Variants in GPC6 observed in about 807,000 individuals in gnomAD.
The protein encoded by GPC6 is glypican-6.
Under a neutral mutation model 55.2 loss-of-function variants are expected in GPC6, and 14 were observed. The ratio of observed to expected loss-of-function variants is 0.25; its 90% confidence interval spans 0.17 to 0.40. The LOEUF (loss-of-function observed/expected upper bound fraction) is 0.40, where lower values mean the gene tolerates loss of function less well. Ranked by LOEUF, GPC6 falls within the 10% of genes least tolerant of loss-of-function variation. The pLI is 1.00. For missense variants in GPC6, 641 were observed against 708.5 expected, an observed-to-expected ratio of 0.90 and a Z score of 1.08; for synonymous variants, 278 against 259.6, an observed-to-expected ratio of 1.07 and a Z score of -0.68.
chr13:94,384,091 T>G (rs902889975), intron 7 of GPC6, among the ~76,000 whole-genome samples: 1 of 152,164 alleles, frequency 6.6e-6, no homozygotes, highest in African/African-American at 2.4e-5. Context: ...CAATTGCTAA[T>G]GACATTATTA....
chr13:93,217,556 A>C, the GPC6 span, among the ~76,000 whole-genome samples: 1 of 152,152 alleles, frequency 6.6e-6, no homozygotes, highest in African/African-American at 2.4e-5. Flanking sequence ...AGAGACTGTA[A>C]CATGATCCTT....
chr13:93,909,365 G>A lies in GPC6; in HGVS notation c.711+78820G>A, dbSNP rs140086085. 5.0e-3 allele frequency among the ~76,000 whole-genome samples: 762 copies of A among 152,118 alleles called. 4 individuals are homozygous for A. The highest frequency in any genetic ancestry group is 8.3e-3 in the Non-Finnish European group (563 of 67,984). ...TTTTCGTGAAATATTACATAAACTC[G>A]TTAAGTGAAGAAAATAAGAAAAACA... On this transcript the variant is annotated intron_variant, in intron 3 of 8. Coordinates refer to ENST00000377047, the MANE Select transcript of GPC6 (RefSeq NM_005708.5).
At chr13:93,869,660 C>A (rs1050651074) in intron 3 of GPC6, among the ~76,000 whole-genome samples, 3 of 151,838 alleles carry the variant, frequency 2.0e-5, no homozygotes, top group African/African-American at 7.2e-5. Context: ...TTAATACATT[C>A]ATGGATGTCC....
intron 2 of GPC6, among the ~76,000 whole-genome samples, chr13:93,738,278 G>A (rs1266369380): frequency 6.6e-6 from 1 of 151,944 alleles, no homozygotes; most frequent in African/African-American, 2.4e-5. Context: ...TCATTAATGA[G>A]CTGAATATTC....
intron 1 of GPC6, among the ~76,000 whole-genome samples, chr13:93,375,968 T>C (rs778700909): frequency 1.3e-5 from 2 of 152,288 alleles, no homozygotes; most frequent in Middle Eastern, 3.4e-3. Flanking sequence ...TTTAAAGATT[T>C]GTTTGCATAA....
At position 93,823,783 on chromosome 13, in the gene GPC6, G is replaced by T. The variant is rs976438046; in HGVS notation, c.320-6371G>T. Among the ~76,000 whole-genome samples, 5 of 152,158 alleles carry T rather than the reference G, an allele frequency of 3.3e-5. No individual in the cohort carries two copies. In the East Asian group the frequency reaches 9.6e-4, roughly 29 times the overall value. The stretch of plus-strand genomic sequence containing the variant: ...TTCTAATAACCTCTCAAACAGGAAA[G>T]ATGTGGATTCCTACTATGAGATCAC... On this transcript the variant is annotated intron_variant, in intron 2 of 8. Transcript: ENST00000377047.
At chr13:93,607,517 T>C (rs1878284700) in intron 2 of GPC6, among the ~76,000 whole-genome samples, 2 of 152,156 alleles carry the variant, frequency 1.3e-5, no homozygotes, top group Admixed American at 6.5e-5. Context: ...TGAATTTTCC[T>C]TCCTTGTATT....
At chr13:93,370,109 G>C (rs1881397495) in intron 1 of GPC6, among the ~76,000 whole-genome samples, 1 of 152,042 alleles carries the variant, frequency 6.6e-6, no homozygotes, top group Non-Finnish European at 1.5e-5. Flanking sequence ...AGGAGACCGA[G>C]TACAATGCTG....
intron 1 of GPC6, among the ~76,000 whole-genome samples, chr13:93,358,984 T>G (rs1566315734): frequency 3.2e-5 from 4 of 124,984 alleles, no homozygotes; most frequent in Non-Finnish European, 6.5e-5. Flanking sequence ...TCTTTTTTTT[T>G]TTTTGTTTTT....
chr13:93,815,247 G>A (rs1886812809), intron 2 of GPC6, among the ~76,000 whole-genome samples: 1 of 152,118 alleles, frequency 6.6e-6, no homozygotes, highest in Admixed American at 6.5e-5. Flanking sequence ...CCACTAAAGT[G>A]TGAAATAATA....
At chr13:93,676,115 AAAAAAAAAAAAATATATATATAT>A (rs1446000542) in intron 2 of GPC6, among the ~76,000 whole-genome samples, 9 of 102,868 alleles carry the variant, frequency 8.7e-5, no homozygotes, top group African/African-American at 4.9e-4. Context: ...CTAAAAAAAA[AAAAAAAAAAAAATATATATATAT>A]ATATATATAT....
At chr13:94,133,627 T>G (rs975172900) in intron 4 of GPC6, among the ~76,000 whole-genome samples, 1 of 152,120 alleles carries the variant, frequency 6.6e-6, no homozygotes, top group Admixed American at 6.6e-5. Context: ...TTTTTCACAT[T>G]GTGGGTATGT....
In GPC6 at chr13:94,002,891, T is replaced by C. The variant is rs542753885; in HGVS notation, c.712-24838T>C. On this transcript the variant is annotated intron_variant, in intron 3 of 8. Transcript: ENST00000377047. ...GGAAAGGGCCAATTACAAAGTGCTT[T>C]AATTTCTCCACAATGGCTTTTGCAA... 1.1e-4 allele frequency among the ~76,000 whole-genome samples: 17 copies of C among 152,314 alleles called. No individual in the cohort carries two copies. In the South Asian group the frequency reaches 1.9e-3, roughly 17 times the overall value.
chr13:93,507,215 C>A (rs1351419527), intron 1 of GPC6, among the ~76,000 whole-genome samples: 3 of 152,076 alleles, frequency 2.0e-5, no homozygotes, highest in Non-Finnish European at 1.5e-5. Flanking sequence ...GCAGCTCTGC[C>A]GTTATCTACC....
At chr13:93,856,047 T>C (rs1020020946) in intron 3 of GPC6, among the ~76,000 whole-genome samples, 1 of 151,656 alleles carries the variant, frequency 6.6e-6, no homozygotes, top group Non-Finnish European at 1.5e-5. Context: ...AAGTCCAGTG[T>C]ATTGATTCTT....
At chr13:93,699,693 G>A (rs1298360526) in intron 2 of GPC6, among the ~76,000 whole-genome samples, 1 of 152,030 alleles carries the variant, frequency 6.6e-6, no homozygotes, top group Non-Finnish European at 1.5e-5. Context: ...TATAGGAATT[G>A]TGGTAAATAA....
At chr13:93,573,696 T>C (rs1876520388) in intron 2 of GPC6, among the ~76,000 whole-genome samples, 1 of 152,104 alleles carries the variant, frequency 6.6e-6, no homozygotes, top group South Asian at 2.1e-4. Context: ...AGATGCCTCT[T>C]TTATGTAGCT....
chr13:93,319,033 C>CA (rs1452249482), intron 1 of GPC6, among the ~76,000 whole-genome samples: 2 of 152,054 alleles, frequency 1.3e-5, no homozygotes, highest in Non-Finnish European at 2.9e-5. Context: ...TCACAATACA[C>CA]AGTGAGATAT....
intron 4 of GPC6, among the ~76,000 whole-genome samples, chr13:94,220,303 C>G (rs1296386427): frequency 6.6e-6 from 1 of 152,066 alleles, no homozygotes; most frequent in African/African-American, 2.4e-5. Context: ...GTACCATCAC[C>G]CTTCATCATA....
Sources: allele counts gnomAD v4.1 joint callset (sites outside exome capture counted in the v4.1 genomes callset), GRCh38; gene constraint gnomAD v4.1.1; transcripts MANE v1.5; gene names NCBI Gene and HGNC (gene_info 2026-07-23, HGNC 2026-07-21).